NUP98: variants seen among roughly 807,000 people sequenced by gnomAD.
NUP98 encodes nuclear pore complex protein Nup98-Nup96.
A neutral mutation model predicts 191.9 loss-of-function variants in NUP98; 26 were observed. The ratio of observed to expected loss-of-function variants is 0.14; its 90% CI spans 0.10 to 0.19. NUP98 has a LOEUF of 0.19. Ranked by LOEUF, NUP98 falls within the 10% of genes least tolerant of loss-of-function variation. The pLI is 1.00. For missense variants in NUP98, 1,941 were observed against 2,178.8 expected (o/e 0.89, Z 2.17); for synonymous variants, 808 against 778.4 (o/e 1.04, Z -0.63).
intron 11 of NUP98, among the ~76,000 whole-genome samples, chr11:3,747,046 T>C (rs1483095281): frequency 6.6e-6 from 1 of 152,116 alleles, no homozygotes; most frequent in Non-Finnish European, 1.5e-5. Context: ...TATGCACAAA[T>C]GGCTTTTTAT....
intron 31 of NUP98, among the ~76,000 whole-genome samples, chr11:3,677,417 T>TG (rs1348168961): frequency 1.3e-5 from 2 of 151,058 alleles, no homozygotes; most frequent in Non-Finnish European, 3.0e-5. Flanking sequence ...TAGGTTTTTT[T>TG]TTTTTTTTTT....
In NUP98 at chr11:3,704,715, G is replaced by A. The variant is rs546553798; in HGVS notation, c.3082+485C>T. On this transcript the variant is annotated intron_variant, in intron 22 of 32. Coordinates refer to ENST00000324932, the MANE Select transcript of NUP98 (RefSeq NM_016320.5). The stretch of plus-strand genomic sequence containing the variant: ...GAGGTAATTCTAGTTCTTAAAAACC[G>A]GCCACTCCTGCCAGGTGCAATGACG... Among the ~76,000 whole-genome samples the A allele has an allele frequency of 7.9e-5, 12 of 152,180 alleles. 1 individual carries two copies. The highest frequency in any genetic ancestry group is 3.4e-3 in the Middle Eastern group (1 of 294).
At position 3,676,291 on chromosome 11, in the gene NUP98, G is replaced by C. The variant is rs758463330; in HGVS notation, c.5271C>G (p.Asp1757Glu). Residue 1757 changes from aspartate to glutamate, a missense_variant, in exon 33 of 33, where the codon GAC (aspartate) becomes GAG (glutamate). Physicochemically the swap from Asp to Glu is conservative, Grantham distance 45. This residue lies in a region of NUP98 where 1,030 missense variants were observed against 1,115.8 expected (regional missense o/e 0.92). Transcript: ENST00000324932. The part of the protein sequence containing the change: ...PPDRTSDSTP[D>E]PQRVPLRLLA... ...AGAGGCGCAAAGGGACTCGCTGAGG[G>C]TCTGGTGTTGAGTCGGAGGTTCTAT... is the stretch of plus-strand genomic sequence containing the variant. 1 of 1,614,154 alleles carries C rather than the reference G, an allele frequency of 6.2e-7. No individual in the cohort carries two copies. Among genetic ancestry groups the C allele is most frequent in the South Asian group, 1.1e-5 (1 of 91,076 alleles).
intron 28 of NUP98, among the ~76,000 whole-genome samples, chr11:3,690,323 G>A (rs1589964634): frequency 6.6e-6 from 1 of 150,592 alleles, no homozygotes; most frequent in African/African-American, 2.4e-5. Context: ...GCAGTGGCAT[G>A]ATCTCTGCTC....
chr11:3,776,651 AT>A (rs1353253113), intron 4 of NUP98, among the ~76,000 whole-genome samples: 6 of 150,702 alleles, frequency 4.0e-5, no homozygotes, highest in African/African-American at 1.5e-4. Context: ...AACCCGGCTA[AT>A]TTTTTGTATT....
At chr11:3,699,397 A>G (rs748218257) in intron 24 of NUP98, 49 bp from the exon 25 acceptor site, 19 of 1,596,234 alleles carry the variant, frequency 1.2e-5, no homozygotes, top group African/African-American at 5.4e-5. Flanking sequence ...TCTTACAACA[A>G]CTTCACAGAG....
chr11:3,790,935 G>A (rs12284204), intron 1 of NUP98, among the ~76,000 whole-genome samples: 25,263 of 146,258 alleles, frequency 0.17, 2,346 homozygotes, highest in Non-Finnish European at 0.22. Flanking sequence ...TGGCTCTGTT[G>A]CCCAGGCTGG....
At chr11:3,791,348 C>G (rs1256900548) in intron 1 of NUP98, among the ~76,000 whole-genome samples, 1 of 150,954 alleles carries the variant, frequency 6.6e-6, no homozygotes, top group Non-Finnish European at 1.5e-5. Context: ...GCCTGGCCAA[C>G]ATGGTGAAAC....
chr11:3,777,986 C>G (rs564781855), intron 4 of NUP98, among the ~76,000 whole-genome samples: 7 of 151,974 alleles, frequency 4.6e-5, no homozygotes, highest in Admixed American at 4.6e-4. Context: ...AACACGAGGT[C>G]AGGAGATCGA....
At chr11:3,795,875 G>A (rs529281801) in intron 1 of NUP98, among the ~76,000 whole-genome samples, 1 of 152,256 alleles carries the variant, frequency 6.6e-6, no homozygotes, top group South Asian at 2.1e-4. Flanking sequence ...TACTAGTTCT[G>A]AGTTTATGCT....
intron 1 of NUP98, among the ~76,000 whole-genome samples, chr11:3,787,181 T>G (rs1166664395): frequency 6.6e-6 from 1 of 152,310 alleles, no homozygotes; most frequent in Middle Eastern, 3.4e-3. Context: ...ATTAGCCTAG[T>G]GTAACCTAAT....
intron 10 of NUP98, 112 bp downstream of exon 10, chr11:3,760,427 G>C (rs762452331): frequency 1.4e-6 from 2 of 1,448,940 alleles, no homozygotes; most frequent in Non-Finnish European, 1.9e-6. Context: ...CGAATCAGGA[G>C]AATAACGTGT....
At chr11:3,771,009 C>T (rs2081513371) in intron 7 of NUP98, among the ~76,000 whole-genome samples, 1 of 152,090 alleles carries the variant, frequency 6.6e-6, no homozygotes, top group South Asian at 2.1e-4. Context: ...ATTACAGGTG[C>T]TTGTCACCAC....
intron 29 of NUP98, among the ~76,000 whole-genome samples, chr11:3,685,749 T>C (rs2078115729): frequency 6.6e-6 from 1 of 152,200 alleles, no homozygotes; most frequent in African/African-American, 2.4e-5. Flanking sequence ...TGATAAATAT[T>C]ATAATTTGGC....
At chr11:3,776,384 TAA>T (rs1232938029) in intron 4 of NUP98, among the ~76,000 whole-genome samples, 1 of 152,036 alleles carries the variant, frequency 6.6e-6, no homozygotes, top group Non-Finnish European at 1.5e-5. Flanking sequence ...CTCGAAATCC[TAA>T]AGTGTTGGGA....
intron 31 of NUP98, among the ~76,000 whole-genome samples, chr11:3,677,410 G>GTT (rs372075323): frequency 0.4 from 52,332 of 130,316 alleles, 11,913 homozygotes; most frequent in Admixed American, 0.59. Context: ...TGTAACATAG[G>GTT]TTTTTTTTTT....
At chr11:3,762,387 G>A (rs1459514586) in intron 9 of NUP98, among the ~76,000 whole-genome samples, 1 of 151,938 alleles carries the variant, frequency 6.6e-6, no homozygotes, top group African/African-American at 2.4e-5. Flanking sequence ...CTCCCAGAGT[G>A]CTGGGATTAC....
chr11:3,718,682 T>C (rs2079276604), intron 18 of NUP98, among the ~76,000 whole-genome samples: 1 of 152,214 alleles, frequency 6.6e-6, no homozygotes, highest in Non-Finnish European at 1.5e-5. Context: ...GATAAATAAT[T>C]TTCACTACAG....
intron 1 of NUP98, among the ~76,000 whole-genome samples, chr11:3,787,412 G>A (rs375785324): frequency 9.2e-5 from 14 of 151,940 alleles, no homozygotes; most frequent in African/African-American, 2.2e-4. Context: ...TGAAACCCCC[G>A]TCTCTAATAA....
Sources: allele counts gnomAD v4.1 joint callset (sites outside exome capture counted in the v4.1 genomes callset), GRCh38; gene constraint gnomAD v4.1.1; regional missense constraint gnomAD v4.1.1; transcripts MANE v1.5; gene names NCBI Gene and HGNC (gene_info 2026-07-23, HGNC 2026-07-21).